Variants in FAM171A1 observed in about 807,000 individuals in gnomAD.
The protein encoded by FAM171A1 is protein FAM171A1.
In FAM171A1, 23 loss-of-function variants were observed where a neutral mutation model predicts 74.9. The ratio of observed to expected loss-of-function variants is 0.31; its 90% CI spans 0.22 to 0.44. The LOEUF is 0.44. Ranked by LOEUF, FAM171A1 falls within the 20% of genes least tolerant of loss-of-function variation. The pLI is 1.00. For synonymous variants in FAM171A1, 527 were observed against 505.7 expected (o/e 1.04, Z -0.57); for missense variants, 1,162 against 1,159.2 (o/e 1.00, Z -0.03).
intron 1 of FAM171A1, among the ~76,000 whole-genome samples, chr10:15,336,638 C>A (rs1177631821): frequency 6.6e-6 from 1 of 152,058 alleles, no homozygotes; most frequent in Non-Finnish European, 1.5e-5. Flanking sequence ...TTCCTTAGAA[C>A]CAAGGAAATA....
At chr10:15,351,844 G>A (rs1835884040) in intron 1 of FAM171A1, among the ~76,000 whole-genome samples, 1 of 151,892 alleles carries the variant, frequency 6.6e-6, no homozygotes. Flanking sequence ...CTTGAGCCTG[G>A]GAGTTCAAGA....
intron 3 of FAM171A1, among the ~76,000 whole-genome samples, chr10:15,273,003 A>C (rs1029264375): frequency 6.6e-6 from 1 of 152,020 alleles, no homozygotes; most frequent in Non-Finnish European, 1.5e-5. Flanking sequence ...AGAGCAAACA[A>C]ATTCAAAAGC....
At chr10:15,318,254 A>G (rs1835445923) in intron 1 of FAM171A1, among the ~76,000 whole-genome samples, 1 of 152,178 alleles carries the variant, frequency 6.6e-6, no homozygotes, top group South Asian at 2.1e-4. Flanking sequence ...GGAGCCAGAG[A>G]TTCTTCCTCA....
intron 5 of FAM171A1, chr10:15,241,350 G>A (rs1455740548): frequency 6.6e-6 from 1 of 152,188 alleles, no homozygotes; most frequent in African/African-American, 2.4e-5. Flanking sequence ...ATTTAGACCA[G>A]AGGTCACAAT....
chr10:15,331,079 A>C (rs573636102), intron 1 of FAM171A1, among the ~76,000 whole-genome samples: 1 of 152,146 alleles, frequency 6.6e-6, no homozygotes, highest in Non-Finnish European at 1.5e-5. Flanking sequence ...TGGTAGAAAC[A>C]GGGTTTCACT....
chr10:15,288,971 C>A (rs570673094), intron 1 of FAM171A1, among the ~76,000 whole-genome samples: 1 of 151,968 alleles, frequency 6.6e-6, no homozygotes, highest in East Asian at 1.9e-4. Context: ...TACAGGCTTG[C>A]GCCATCACGC....
chr10:15,350,101 C>G (rs182488166), intron 1 of FAM171A1, among the ~76,000 whole-genome samples: 9 of 152,178 alleles, frequency 5.9e-5, no homozygotes, highest in South Asian at 2.1e-4. Context: ...CGTGATGCCC[C>G]CGTGGTATGA....
At position 15,265,268 on chromosome 10, in the gene FAM171A1, C is replaced by T. The variant is rs567417469; in HGVS notation, c.419-10389G>A. Among the ~76,000 whole-genome samples the T allele has an allele frequency of 5.8e-4, 88 of 151,102 alleles. 9 individuals carry two copies. In the East Asian group the frequency reaches 0.016, roughly 28 times the overall value. On this transcript the variant is annotated intron_variant, in intron 3 of 7. Transcript: ENST00000378116. ...GTGTGTGTGCGTGTGTGTGTGTGTGCGTGTGTGTTTGTGTGTGTACTGTAC... is the reference window on the plus strand; with the variant it reads ...GTGTGTGTGCGTGTGTGTGTGTGTGTGTGTGTGTTTGTGTGTGTACTGTAC...
chr10:15,226,576 A>G (rs1834110508), intron 5 of FAM171A1, among the ~76,000 whole-genome samples: 1 of 151,898 alleles, frequency 6.6e-6, no homozygotes, highest in African/African-American at 2.4e-5. Context: ...ACGTAACCTG[A>G]CTCTTTGCCA....
intron 1 of FAM171A1, among the ~76,000 whole-genome samples, chr10:15,339,928 G>C (rs1254115174): frequency 6.6e-6 from 1 of 152,084 alleles, no homozygotes; most frequent in Non-Finnish European, 1.5e-5. Context: ...TGAGCAAAAG[G>C]GGTTTCTCCT....
intron 4 of FAM171A1, among the ~76,000 whole-genome samples, chr10:15,250,674 C>G (rs987971048): frequency 6.6e-6 from 1 of 152,168 alleles, no homozygotes; most frequent in Non-Finnish European, 1.5e-5. Flanking sequence ...GTGGGAGGAT[C>G]ACTTGAGCCT....
intron 5 of FAM171A1, among the ~76,000 whole-genome samples, chr10:15,226,246 CA>C (rs1239708450): frequency 1.3e-5 from 2 of 152,202 alleles, no homozygotes; most frequent in East Asian, 3.9e-4. Context: ...GGTGGCTGGA[CA>C]ATGACATGTG....
intron 1 of FAM171A1, among the ~76,000 whole-genome samples, chr10:15,326,323 T>G (rs898108785): frequency 6.6e-6 from 1 of 152,036 alleles, no homozygotes; most frequent in African/African-American, 2.4e-5. Context: ...AATTCTTTTT[T>G]TTTTGTTTTG....
intron 6 of FAM171A1, among the ~76,000 whole-genome samples, chr10:15,219,876 G>A (rs990965814): frequency 4.6e-5 from 7 of 152,284 alleles, no homozygotes; most frequent in East Asian, 3.9e-4. Context: ...CACCGCGCCC[G>A]GCTAAGGGAA....
chr10:15,293,505 A>G (rs934598436), intron 1 of FAM171A1, among the ~76,000 whole-genome samples: 1 of 151,460 alleles, frequency 6.6e-6, no homozygotes, highest in Non-Finnish European at 1.5e-5. Flanking sequence ...AGACCAACAA[A>G]TGTGCCAGAA....
intron 4 of FAM171A1, 44 bp downstream of exon 4, chr10:15,254,677 A>G: frequency 1.3e-6 from 2 of 1,598,930 alleles, no homozygotes; most frequent in Non-Finnish European, 1.7e-6. Context: ...TGTAAAGACT[A>G]AAACACAGTA....
chr10:15,214,025 G>C lies in FAM171A1; in HGVS notation c.1563C>G (p.Pro521=), dbSNP rs765216749. The C allele has an allele frequency of 6.2e-6, 10 of 1,614,160 alleles. No homozygotes were observed. The highest frequency in any genetic ancestry group is 2.2e-5 in the East Asian group (1 of 44,876). The change falls in exon 8 of 8, where the codon CCC becomes CCG. Residue 521 remains proline, a synonymous_variant. Coordinates refer to ENST00000378116, the MANE Select transcript of FAM171A1 (RefSeq NM_001010924.2). ...GTTCTTTCTCAGGTGATGAAGGCGC[G>C]GGGTACAGATGTTCCTGAATGGTGA... The part of the protein sequence containing the change: ...SKLTIQEHLY[P]APSSPEKEQL...
intron 2 of FAM171A1, among the ~76,000 whole-genome samples, chr10:15,281,973 A>G (rs900272880): frequency 3.3e-5 from 5 of 152,200 alleles, no homozygotes; most frequent in East Asian, 3.8e-4. Context: ...TTATTCACCA[A>G]TTCTGTATTT....
intron 3 of FAM171A1, among the ~76,000 whole-genome samples, chr10:15,260,683 C>T (rs1326600336): frequency 3.3e-5 from 5 of 152,194 alleles, no homozygotes; most frequent in Admixed American, 2.6e-4. Flanking sequence ...CACTATGTTC[C>T]AGTAATGCTC....
Sources: gnomAD v4.1 joint callset for allele counts (sites outside exome capture counted in the v4.1 genomes callset) on GRCh38, gnomAD v4.1.1 for gene constraint, MANE v1.5 for transcripts, NCBI Gene and HGNC (gene_info 2026-07-23, HGNC 2026-07-21) for gene names.